The following ADAM17 variants were observed in gnomAD, a reference collection of about 807,000 sequenced individuals.
ADAM17 encodes disintegrin and metalloproteinase domain-containing protein 17.
Under a neutral mutation model 96.7 loss-of-function variants are expected in ADAM17, and 39 were observed. The observed-to-expected ratio is 0.40, with a 90% CI of 0.31 to 0.53. The LOEUF is 0.53. Among genes scored for constraint, ADAM17 ranks in the 20% least tolerant of loss-of-function variants. The pLI, the probability that ADAM17 is intolerant of heterozygous loss-of-function variation, is 0.44. For synonymous variants in ADAM17, 344 were observed against 359.2 expected (o/e 0.96, Z 0.48); for missense variants, 777 against 1,013.2 (o/e 0.77, Z 3.17).
intron 14 of ADAM17, among the ~76,000 whole-genome samples, chr2:9,495,808 A>G (rs1482591907): frequency 1.3e-5 from 2 of 151,512 alleles, no homozygotes; most frequent in Non-Finnish European, 2.9e-5. Flanking sequence ...GAGCACCCCA[A>G]GCCTCTTGGC....
At chr2:9,529,593 T>C (rs1377969075) in intron 4 of ADAM17, among the ~76,000 whole-genome samples, 1 of 152,042 alleles carries the variant, frequency 6.6e-6, no homozygotes, top group African/African-American at 2.4e-5. Context: ...AAGGGGGAAG[T>C]ATGGCTAAAG....
chr2:9,541,077 T>C (rs556349538), intron 2 of ADAM17, among the ~76,000 whole-genome samples: 52 of 152,366 alleles, frequency 3.4e-4, no homozygotes, highest in African/African-American at 1.2e-3. Flanking sequence ...TTTACAAAGA[T>C]ACTCACTAGA....
At position 9,555,673 on chromosome 2, in the gene ADAM17, C is replaced by T; in HGVS notation, c.-68G>A. On this transcript the variant is annotated 5_prime_UTR_variant, in exon 1 of 19. Transcript: ENST00000310823. ...CGCCTGACGGGGTTTCGGAAAACTG[C>T]TCACATCGGGGGAGGACGGGATCCG... 2 of 1,351,936 alleles carry T rather than the reference C, an allele frequency of 1.5e-6. No individual in the cohort carries two copies. Among genetic ancestry groups the T allele is most frequent in the Non-Finnish European group, 2.0e-6 (2 of 994,792 alleles). 83.7% of individuals were successfully genotyped at this position (1,351,936 alleles called of 1,614,324 possible).
At chr2:9,537,797 T>C (rs1665023678) in intron 2 of ADAM17, among the ~76,000 whole-genome samples, 1 of 149,904 alleles carries the variant, frequency 6.7e-6, no homozygotes, top group South Asian at 2.1e-4. Flanking sequence ...TAACCCACAA[T>C]TACAGTTAGG....
Position 9,542,288 on chromosome 2 carries a change from C to A in ADAM17, c.230+865G>T, listed in dbSNP as rs11694610. Among the ~76,000 whole-genome samples, 826 of 152,136 alleles carry A rather than the reference C, an allele frequency of 5.4e-3. 8 individuals carry two copies. Among genetic ancestry groups the A allele is most frequent in the African/African-American group, 0.019 (774 of 41,486 alleles). On this transcript the variant is annotated intron_variant, in intron 2 of 18. Coordinates refer to ENST00000310823, the MANE Select transcript of ADAM17 (RefSeq NM_003183.6). ...GGCATGGTGGCTCACACCTGTAATC[C>A]CAGCACTTTGGGAGGCCAAGATGGA...
At chr2:9,537,879 G>GGGGAA (rs1665029804) in intron 2 of ADAM17, among the ~76,000 whole-genome samples, 1 of 73,354 alleles carries the variant, frequency 1.4e-5, no homozygotes, top group Non-Finnish European at 3.2e-5. Context: ...CAGGAAAAGA[G>GGGGAA]GGGAGGGGAG....
At chr2:9,516,998 G>A (rs1225814335) in intron 10 of ADAM17, among the ~76,000 whole-genome samples, 1 of 152,106 alleles carries the variant, frequency 6.6e-6, no homozygotes, top group South Asian at 2.1e-4. Flanking sequence ...CTTTTTAGAA[G>A]GGCCAGACTA....
In ADAM17 at chr2:9,505,951, C is replaced by T. The variant is rs188920649; in HGVS notation, c.1345-586G>A. On this transcript the variant is annotated intron_variant, in intron 11 of 18. Coordinates refer to ENST00000310823, the MANE Select transcript of ADAM17 (RefSeq NM_003183.6). ...CCAATTGTTACCTAAACATTTTCAT[C>T]AACCAGCAAGACCAGTGTCTCAAAA... 4.6e-3 allele frequency among the ~76,000 whole-genome samples: 702 copies of T among 152,248 alleles called. 2 individuals are homozygous for T. The highest frequency in any genetic ancestry group is 7.8e-3 in the Admixed American group (119 of 15,296).
rs370085865 is a variant in ADAM17 at position 9,536,701 on chromosome 2, C to T, written c.358G>A (p.Val120Ile). The change falls in exon 3 of 19, where the codon GTT (valine) becomes ATT (isoleucine). Residue 120 changes from valine to isoleucine, a missense_variant. Coordinates refer to ENST00000310823, the MANE Select transcript of ADAM17 (RefSeq NM_003183.6). The part of the protein sequence containing the change: ...KWQDFFTGHV[V>I]GEPDSRVLAH... ...AACCAACAAGCTCCATACTAACCAA[C>T]CACGTGTCCAGTGAAGAAGTCCTGC... 2 of 1,613,990 alleles carry T rather than the reference C, an allele frequency of 1.2e-6. No homozygotes were observed. Among genetic ancestry groups the T allele is most frequent in the Non-Finnish European group, 1.7e-6 (2 of 1,179,942 alleles).
chr2:9,555,074 C>A (rs1572967595), intron 1 of ADAM17, among the ~76,000 whole-genome samples: 1 of 152,118 alleles, frequency 6.6e-6, no homozygotes, highest in East Asian at 1.9e-4. Flanking sequence ...TTCCCTCCTT[C>A]GAGGACCAGG....
rs1163307016 is a variant in ADAM17 at position 9,543,199 on chromosome 2, T to A, written c.184A>T (p.Thr62Ser). Reference sequence around the variant, plus strand: ...AGTAGTGTTTCTACATGTGTTGAAGTCTGTAGATCTCTTTTTCTTACCGAA... The same window carrying A: ...AGTAGTGTTTCTACATGTGTTGAAGACTGTAGATCTCTTTTTCTTACCGAA... The part of the protein sequence containing the change: ...QHSVRKRDLQ[T>S]STHVETLLTF... Residue 62 changes from threonine (T) to serine (S), a missense_variant, in exon 2 of 19, where the codon ACT becomes TCT. Coordinates refer to ENST00000310823, the MANE Select transcript of ADAM17 (RefSeq NM_003183.6). The A allele has an allele frequency of 1.2e-6, 2 of 1,609,302 alleles. No individual in the cohort carries two copies. The highest frequency in any genetic ancestry group is 1.1e-5 in the South Asian group (1 of 90,160).
intron 10 of ADAM17, among the ~76,000 whole-genome samples, chr2:9,514,572 T>TATATATATATATAA (rs1663955698): frequency 8.4e-6 from 1 of 119,264 alleles, no homozygotes; most frequent in African/African-American, 3.2e-5. Context: ...TATATATAAA[T>TATATATATATATAA]AAAAAGAGAC....
At position 9,526,092 on chromosome 2, in the gene ADAM17, T is replaced by C; in HGVS notation, c.753+19A>G. On this transcript the variant is annotated intron_variant, in intron 6 of 18. Coordinates refer to ENST00000310823, the MANE Select transcript of ADAM17 (RefSeq NM_003183.6). ...CCAAATTTTTTTTTCAATTACTCGA[T>C]GCAATATCAAATACTTACTAAGTAA... 2 of 1,588,510 alleles carry C rather than the reference T, an allele frequency of 1.3e-6. No individual in the cohort carries two copies. The highest frequency in any genetic ancestry group is 1.7e-6 in the Non-Finnish European group (2 of 1,167,114).
intron 4 of ADAM17, among the ~76,000 whole-genome samples, chr2:9,530,222 T>C (rs1664683628): frequency 6.6e-6 from 1 of 152,200 alleles, no homozygotes; most frequent in Non-Finnish European, 1.5e-5. Context: ...ATTTAGCCTA[T>C]GAATAGGAGT....
At chr2:9,501,911 C>T (rs1228665994) in intron 13 of ADAM17, among the ~76,000 whole-genome samples, 1 of 151,804 alleles carries the variant, frequency 6.6e-6, no homozygotes, top group Non-Finnish European at 1.5e-5. Context: ...CAAGGATATA[C>T]ACATATCCAG....
rs138000435 is a variant in ADAM17 at position 9,492,443 on chromosome 2, G to A, written c.2082+455C>T. Reference sequence around the variant, plus strand: ...ATGTAAATACTCTATATGACAGCTGGGCCCCAGTCCCTACATCCTATTTGT... The same window carrying A: ...ATGTAAATACTCTATATGACAGCTGAGCCCCAGTCCCTACATCCTATTTGT... On this transcript the variant is annotated intron_variant, in intron 17 of 18. Coordinates refer to ENST00000310823, the MANE Select transcript of ADAM17 (RefSeq NM_003183.6). 2.5e-3 allele frequency among the ~76,000 whole-genome samples: 381 copies of A among 152,208 alleles called. 2 individuals are homozygous for A. The highest frequency in any genetic ancestry group is 8.9e-3 in the African/African-American group (370 of 41,524).
At chr2:9,502,714 A>G (rs1334271234) in intron 12 of ADAM17, among the ~76,000 whole-genome samples, 2 of 151,894 alleles carry the variant, frequency 1.3e-5, no homozygotes, top group Non-Finnish European at 2.9e-5. Flanking sequence ...CCCCATCTCT[A>G]CTAAAAATAC....
chr2:9,502,050 C>G, intron 13 of ADAM17, 123 bp downstream of exon 13: 1 of 858,004 alleles, frequency 1.2e-6, no homozygotes, highest in Non-Finnish European at 1.8e-6. Context: ...GTGCCAGAAA[C>G]TCAACCCGGC....
chr2:9,490,148 C>T lies in ADAM17; in HGVS notation c.*29G>A. ...GTCAAATCTATAAAAATATTTTGCA[C>T]ACTTAAGTCAGAAGAGCTGAGAACT... On this transcript the variant is annotated 3_prime_UTR_variant, in exon 19 of 19. Transcript: ENST00000310823. 6.5e-7 allele frequency: 1 copy of T among 1,549,324 alleles called. No individual in the cohort carries two copies. Among genetic ancestry groups the T allele is most frequent in the Non-Finnish European group, 8.8e-7 (1 of 1,138,284 alleles).
Sources: allele counts gnomAD v4.1 joint callset (sites outside exome capture counted in the v4.1 genomes callset), GRCh38; gene constraint gnomAD v4.1.1; transcripts MANE v1.5; gene names NCBI Gene and HGNC (gene_info 2026-07-23, HGNC 2026-07-21).